The following CYFIP2 variants were observed in gnomAD, a reference collection of about 807,000 sequenced individuals.
The protein encoded by CYFIP2 is cytoplasmic FMR1 interacting protein 2.
CYFIP2 carries 29 observed loss-of-function variants against 158.7 expected under a neutral mutation model. The ratio of observed to expected loss-of-function variants is 0.18; its 90% CI spans 0.14 to 0.25. The LOEUF (loss-of-function observed/expected upper bound fraction) is 0.25, where lower values mean the gene tolerates loss of function less well. CYFIP2 is among the 10% of genes least tolerant of loss of function. The pLI is 1.00. For missense variants in CYFIP2, 852 were observed against 1,639.5 expected (o/e 0.52, Z 8.29); for synonymous variants, 585 against 617.6 (o/e 0.95, Z 0.78).
chr5:157,388,291 G>A (rs538946953), intron 28 of CYFIP2, among the ~76,000 whole-genome samples: 27 of 152,272 alleles, frequency 1.8e-4, no homozygotes, highest in Admixed American at 4.6e-4. Flanking sequence ...CTAGCCAGCT[G>A]CTTATTAGAT....
At chr5:157,391,346 G>T (rs1483606647) in intron 30 of CYFIP2, among the ~76,000 whole-genome samples, 1 of 152,148 alleles carries the variant, frequency 6.6e-6, no homozygotes, top group East Asian at 1.9e-4. Flanking sequence ...ATATGATTCA[G>T]TGGCATGAAG....
At chr5:157,275,953 A>G (rs532706969) in intron 1 of CYFIP2, among the ~76,000 whole-genome samples, 1 of 152,250 alleles carries the variant, frequency 6.6e-6, no homozygotes, top group East Asian at 1.9e-4. Context: ...CATATTGTGC[A>G]TTGCTGGTAT....
In CYFIP2 at chr5:157,311,793, G is replaced by A. The variant is rs1261590381; in HGVS notation, c.1110+12G>A. 1 of 1,581,032 alleles carries A rather than the reference G, an allele frequency of 6.3e-7. No homozygotes were observed. On this transcript the variant is annotated intron_variant, in intron 11 of 30. Transcript: ENST00000620254. This position sits in a 1 kb window ranked among gnomAD's most constrained non-coding sequence, Gnocchi z 4.7. ...ACAGCAACAGTGAGGTGAGCATGCA[G>A]GCTGCTGGGGCACAGGCCCGTGGGC...
intron 1 of CYFIP2, among the ~76,000 whole-genome samples, chr5:157,285,128 A>G (rs944152881): frequency 6.6e-6 from 1 of 152,206 alleles, no homozygotes; most frequent in Non-Finnish European, 1.5e-5. Context: ...GGCTCAACCA[A>G]GTGCACACAA....
At chr5:157,281,592 T>C (rs1327447509) in intron 1 of CYFIP2, among the ~76,000 whole-genome samples, 1 of 152,230 alleles carries the variant, frequency 6.6e-6, no homozygotes, top group East Asian at 1.9e-4. Flanking sequence ...ATCACTCGAT[T>C]TTAAAATCAC....
intron 3 of CYFIP2, among the ~76,000 whole-genome samples, chr5:157,290,826 C>T (rs1757765967): frequency 6.6e-6 from 1 of 152,164 alleles, no homozygotes; most frequent in South Asian, 2.1e-4. Context: ...TGTATGTCTC[C>T]TGTCCCCACT....
At chr5:157,306,092 A>G (rs1759196469) in intron 8 of CYFIP2, among the ~76,000 whole-genome samples, 1 of 152,232 alleles carries the variant, frequency 6.6e-6, no homozygotes, top group Middle Eastern at 3.4e-3. Flanking sequence ...GCCCCTTTTG[A>G]TTCTGTCCCA....
intron 26 of CYFIP2, among the ~76,000 whole-genome samples, chr5:157,379,303 A>G (rs1309700435): frequency 1.3e-5 from 2 of 152,150 alleles, no homozygotes; most frequent in Non-Finnish European, 2.9e-5. Flanking sequence ...AGGATTTAGT[A>G]TCTTGACTCC....
chr5:157,331,446 G>T (rs1310737626), intron 20 of CYFIP2, among the ~76,000 whole-genome samples: 1 of 150,768 alleles, frequency 6.6e-6, no homozygotes, highest in East Asian at 1.9e-4. Context: ...GGCCAAGCGG[G>T]TGGCAAAATG....
intron 26 of CYFIP2, among the ~76,000 whole-genome samples, chr5:157,373,164 C>A (rs373394004): frequency 6.6e-6 from 1 of 152,164 alleles, no homozygotes; most frequent in Non-Finnish European, 1.5e-5. Flanking sequence ...TTCAGCCATG[C>A]CTATTCCACC....
chr5:157,302,755 G>A, intron 6 of CYFIP2, 39 bp from the exon 7 acceptor site: 1 of 1,525,636 alleles, frequency 6.6e-7, no homozygotes, highest in Non-Finnish European at 8.9e-7. Context: ...CGTTGCACTT[G>A]GACAGTCCTC....
chr5:157,280,468 C>T (rs1182993236), intron 1 of CYFIP2, among the ~76,000 whole-genome samples: 1 of 151,364 alleles, frequency 6.6e-6, no homozygotes, highest in African/African-American at 2.4e-5. Context: ...AGGTGATCCA[C>T]CCGTCTCAGC....
chr5:157,369,879 G>GTT (rs1554120265), intron 26 of CYFIP2, among the ~76,000 whole-genome samples: 14 of 103,272 alleles, frequency 1.4e-4, no homozygotes, highest in East Asian at 2.4e-4. Flanking sequence ...AATGGACCTA[G>GTT]TTTTTTTTTT....
intron 24 of CYFIP2, 66 bp from the exon 25 acceptor site, chr5:157,360,216 A>G: frequency 7.3e-7 from 1 of 1,363,634 alleles, no homozygotes; most frequent in Non-Finnish European, 1.0e-6. Context: ...CAGAGGTCTC[A>G]GCATAACCTC....
intron 28 of CYFIP2, chr5:157,384,452 T>G (rs1581198791): frequency 2.2e-6 from 1 of 456,846 alleles, no homozygotes; most frequent in Non-Finnish European, 4.4e-6. Flanking sequence ...GGCGGTCCTC[T>G]TTGGTGTTCT....
intron 18 of CYFIP2, among the ~76,000 whole-genome samples, chr5:157,326,698 A>T (rs762121675): frequency 6.6e-6 from 1 of 152,176 alleles, no homozygotes; most frequent in Non-Finnish European, 1.5e-5. Context: ...GCTTCTCAGA[A>T]CTGGTTCTAG....
chr5:157,273,807 A>G (rs1756308683), intron 1 of CYFIP2, among the ~76,000 whole-genome samples: 1 of 152,182 alleles, frequency 6.6e-6, no homozygotes, highest in African/African-American at 2.4e-5. Flanking sequence ...TTATTGAAAT[A>G]TAGTTTGCAT....
In CYFIP2 at chr5:157,324,092, C is replaced by G. The variant is rs1175034712; in HGVS notation, c.1825+18C>G. 1.3e-6 allele frequency: 2 copies of G among 1,598,078 alleles called. No individual in the cohort carries two copies. Among genetic ancestry groups the G allele is most frequent in the Non-Finnish European group, 1.7e-6 (2 of 1,170,094 alleles). On this transcript the variant is annotated intron_variant, in intron 16 of 30. Coordinates refer to ENST00000620254, the MANE Select transcript of CYFIP2 (RefSeq NM_001037333.3). ...CATCAGTGGTGAGCTGCATCCCATCCCTGCTAAGGCATGGGAGGAGGGGAT... is the reference window on the plus strand; with the variant it reads ...CATCAGTGGTGAGCTGCATCCCATCGCTGCTAAGGCATGGGAGGAGGGGAT...
At chr5:157,280,102 G>C (rs10065131) in intron 1 of CYFIP2, among the ~76,000 whole-genome samples, 79 of 152,294 alleles carry the variant, frequency 5.2e-4, no homozygotes, top group African/African-American at 1.8e-3. Flanking sequence ...TTGCTTTGTA[G>C]GTTGTTCACT....
Sources: gnomAD v4.1 joint callset for allele counts (sites outside exome capture counted in the v4.1 genomes callset) on GRCh38, gnomAD v4.1.1 for gene constraint, Gnocchi (gnomAD v3.1) non-coding constraint, MANE v1.5 for transcripts, NCBI Gene and HGNC (gene_info 2026-07-23, HGNC 2026-07-21) for gene names.